The following DLGAP1 variants were observed in gnomAD, a reference collection of about 807,000 sequenced individuals.
DLGAP1 encodes the protein DLG associated protein 1.
DLGAP1 carries 11 observed loss-of-function variants against 90.8 expected under a neutral mutation model. The observed-to-expected ratio is 0.12, with a 90% CI of 0.08 to 0.20. DLGAP1 has a LOEUF of 0.20. Ranked by LOEUF, DLGAP1 falls within the 10% of genes least tolerant of loss-of-function variation. The probability of loss-of-function intolerance (pLI) is 1.00; values close to 1 mark genes in which losing one functional copy is unlikely to be tolerated. For synonymous variants in DLGAP1, 558 were observed against 540.7 expected (o/e 1.03, Z -0.44); for missense variants, 1,050 against 1,333.8 (o/e 0.79, Z 3.31).
chr18:4,030,630 T>C (rs2074781298), intron 2 of DLGAP1, among the ~76,000 whole-genome samples: 1 of 152,178 alleles, frequency 6.6e-6, no homozygotes, highest in Non-Finnish European at 1.5e-5. Context: ...ATGTAAACTG[T>C]ATGCTTTTGG....
At chr18:4,087,319 G>A (rs1402872003) in intron 2 of DLGAP1, among the ~76,000 whole-genome samples, 15 of 151,962 alleles carry the variant, frequency 9.9e-5, no homozygotes, top group Non-Finnish European at 1.3e-4. Context: ...TGATGGCCTT[G>A]ATGCCCACAA....
chr18:3,599,634 GT>G (rs1309617953), intron 7 of DLGAP1, among the ~76,000 whole-genome samples: 1 of 152,062 alleles, frequency 6.6e-6, no homozygotes, highest in East Asian at 1.9e-4. Context: ...TGTTTGTTTT[GT>G]TTTTTGAGAC....
At chr18:3,640,211 T>C (rs978746259) in intron 7 of DLGAP1, among the ~76,000 whole-genome samples, 1 of 152,132 alleles carries the variant, frequency 6.6e-6, no homozygotes, top group Non-Finnish European at 1.5e-5. Flanking sequence ...AGGGGTAACT[T>C]GACATAAAAG....
chr18:3,598,811 T>C (rs1455836036), intron 7 of DLGAP1, among the ~76,000 whole-genome samples: 1 of 150,350 alleles, frequency 6.7e-6, no homozygotes, highest in Non-Finnish European at 1.5e-5. Context: ...TGTATTTATT[T>C]ATTTGAAACA....
chr18:4,213,507 A>G (rs967821426), intron 1 of DLGAP1, among the ~76,000 whole-genome samples: 1 of 152,188 alleles, frequency 6.6e-6, no homozygotes. Flanking sequence ...CTGGGCAGAT[A>G]TGGTGCCACT....
intron 8 of DLGAP1, among the ~76,000 whole-genome samples, chr18:3,575,050 G>A (rs2055042252): frequency 6.6e-6 from 1 of 152,054 alleles, no homozygotes; most frequent in Non-Finnish European, 1.5e-5. Context: ...TCCTGACCTC[G>A]TGATCTGCCC....
chr18:3,763,238 T>C (rs1049212948), intron 5 of DLGAP1, among the ~76,000 whole-genome samples: 5 of 152,192 alleles, frequency 3.3e-5, no homozygotes, highest in East Asian at 1.9e-4. Flanking sequence ...TCTTCCAGAC[T>C]ATATCTTTCT....
chr18:3,693,695 C>T (rs1274451900), intron 7 of DLGAP1, among the ~76,000 whole-genome samples: 8 of 152,142 alleles, frequency 5.3e-5, no homozygotes, highest in Non-Finnish European at 7.3e-5. Flanking sequence ...TGAAGTAAGA[C>T]GACCCCAATA....
At chr18:4,103,443 AT>A (rs948822713) in intron 2 of DLGAP1, among the ~76,000 whole-genome samples, 5 of 152,192 alleles carry the variant, frequency 3.3e-5, no homozygotes, top group African/African-American at 1.2e-4. Flanking sequence ...CACTAAAAAA[AT>A]CTAATTGGTA....
intron 4 of DLGAP1, among the ~76,000 whole-genome samples, chr18:3,841,507 A>G (rs2068713818): frequency 6.6e-6 from 1 of 152,192 alleles, no homozygotes; most frequent in African/African-American, 2.4e-5. Flanking sequence ...TTAAGAATAA[A>G]CTTTTTCTTT....
intron 2 of DLGAP1, among the ~76,000 whole-genome samples, chr18:4,009,550 C>T (rs2074376764): frequency 6.6e-6 from 1 of 152,142 alleles, no homozygotes; most frequent in Non-Finnish European, 1.5e-5. Flanking sequence ...GGGTGCTTTC[C>T]CTCAATGAAC....
intron 2 of DLGAP1, among the ~76,000 whole-genome samples, chr18:4,115,321 T>C (rs975384140): frequency 6.8e-6 from 1 of 146,994 alleles, no homozygotes; most frequent in African/African-American, 2.5e-5. Context: ...TTGTTATAAT[T>C]TTACATAATC....
Position 3,898,908 on chromosome 18 carries a change from T to TTAAAGTAAAG in DLGAP1, c.-72-18778_-72-18769dup, listed in dbSNP as rs113841351. Among the ~76,000 whole-genome samples, 29 of 152,068 alleles carry TTAAAGTAAAG rather than the reference T, an allele frequency of 1.9e-4. No homozygotes were observed. In the East Asian group the frequency reaches 2.5e-3, roughly 13 times the overall value. On this transcript the variant is annotated intron_variant, in intron 3 of 12. Transcript: ENST00000315677. ...ATCATCTACACTTTAGATAGGCCAT[T>TTAAAGTAAAG]TAAAGTAAAGTAAAGTAAAGTAAAG...
chr18:3,762,043 G>A (rs1330679573), intron 5 of DLGAP1, among the ~76,000 whole-genome samples: 2 of 152,218 alleles, frequency 1.3e-5, no homozygotes, highest in Non-Finnish European at 2.9e-5. Context: ...GAGGCACTTT[G>A]TTGCTAATTC....
intron 4 of DLGAP1, among the ~76,000 whole-genome samples, chr18:3,833,130 ATTCCTTCCTTCC>A (rs55783238): frequency 6.5e-5 from 7 of 107,482 alleles, no homozygotes; most frequent in African/African-American, 1.8e-4. Context: ...GAATTATAAG[ATTCCTTCCTTCC>A]TTCCTTCCTT....
In DLGAP1 at chr18:4,387,930, T is replaced by TAC. The variant is rs1171436413; in HGVS notation, c.-267+67074_-267+67075dup. ...TGGGTGACAGAGACTCCATCACACA[T>TAC]ACACACACACACACACACACACACA... is the stretch of plus-strand genomic sequence containing the variant. On this transcript the variant is annotated intron_variant, in intron 1 of 12. Transcript: ENST00000315677. Among the ~76,000 whole-genome samples the TAC allele has an allele frequency of 8.9e-4, 110 of 123,338 alleles. 1 individual carries two copies. The highest frequency in any genetic ancestry group is 3.2e-3 in the African/African-American group (104 of 32,490). 80.9% of individuals were successfully genotyped at this position (123,338 alleles called of 152,430 possible).
chr18:4,114,493 T>C (rs998051622), intron 2 of DLGAP1, among the ~76,000 whole-genome samples: 4 of 152,124 alleles, frequency 2.6e-5, no homozygotes, highest in Non-Finnish European at 5.9e-5. Flanking sequence ...TGTTTAACAG[T>C]TTCAGGAGGT....
intron 7 of DLGAP1, chr18:3,597,394 G>T: frequency 2.7e-6 from 1 of 375,930 alleles, no homozygotes; most frequent in Non-Finnish European, 5.1e-6. Flanking sequence ...GAGACTGTGG[G>T]GTAGCTGGTT....
At chr18:3,655,496 C>T (rs1791399) in intron 7 of DLGAP1, 52,178 of 152,010 alleles carry the variant, frequency 0.34, 10,467 homozygotes, top group African/African-American at 0.57. Context: ...GCTTTTTGAA[C>T]GTATGACTGA....
Sources: allele counts gnomAD v4.1 joint callset (sites outside exome capture counted in the v4.1 genomes callset), GRCh38; gene constraint gnomAD v4.1.1; transcripts MANE v1.5; gene names NCBI Gene and HGNC (gene_info 2026-07-23, HGNC 2026-07-21).